Variants in DENND5B observed in about 807,000 individuals in gnomAD.
DENND5B encodes DENN domain-containing protein 5B.
A neutral mutation model predicts 140.6 loss-of-function variants in DENND5B; 34 were observed. The ratio of observed to expected loss-of-function variants is 0.24; its 90% confidence interval spans 0.18 to 0.32. DENND5B has a LOEUF of 0.32. DENND5B is among the 10% of genes least tolerant of loss of function. DENND5B has a pLI of 1.00. For synonymous variants in DENND5B, 551 were observed against 562.1 expected (o/e 0.98, Z 0.28); for missense variants, 1,142 against 1,560.2 (o/e 0.73, Z 4.52).
chr12:31,397,961 T>A (rs948075875), intron 17 of DENND5B, among the ~76,000 whole-genome samples: 1 of 152,164 alleles, frequency 6.6e-6, no homozygotes, highest in Non-Finnish European at 1.5e-5. Context: ...TTACTCATAT[T>A]TCCACAGCTT....
chr12:31,501,406 G>C (rs1363233798), intron 1 of DENND5B, among the ~76,000 whole-genome samples: 2 of 152,220 alleles, frequency 1.3e-5, no homozygotes, highest in East Asian at 3.9e-4. Flanking sequence ...TTTATAAATT[G>C]CCCGGTCTCA....
intron 14 of DENND5B, among the ~76,000 whole-genome samples, chr12:31,403,385 T>C (rs1032400554): frequency 1.3e-4 from 17 of 132,082 alleles, no homozygotes; most frequent in African/African-American, 4.1e-4. Flanking sequence ...CCCTTCTTTT[T>C]TTTTCTTTTT....
At chr12:31,499,842 T>C (rs1004972716) in intron 1 of DENND5B, among the ~76,000 whole-genome samples, 1 of 152,252 alleles carries the variant, frequency 6.6e-6, no homozygotes, top group Admixed American at 6.5e-5. Context: ...GATAAGGGAT[T>C]AGTAATGAAA....
intron 2 of DENND5B, among the ~76,000 whole-genome samples, chr12:31,483,100 G>A (rs1281064094): frequency 6.6e-6 from 1 of 152,028 alleles, no homozygotes; most frequent in African/African-American, 2.4e-5. Flanking sequence ...TCTTCCCCTT[G>A]GTATCCACAT....
At chr12:31,563,999 C>A (rs1233686415) in intron 1 of DENND5B, among the ~76,000 whole-genome samples, 3 of 152,072 alleles carry the variant, frequency 2.0e-5, no homozygotes, top group African/African-American at 7.2e-5. Context: ...TGCCTGTAAT[C>A]CCAGCTACTA....
rs538290123 is a variant in DENND5B at position 31,542,875 on chromosome 12, G to A, written c.128-46956C>T. Among the ~76,000 whole-genome samples, 5 of 152,286 alleles carry A rather than the reference G, an allele frequency of 3.3e-5. No homozygotes were observed. The South Asian group carries it at 6.2e-4, about 19-fold the overall frequency. The stretch of plus-strand genomic sequence containing the variant: ...AGGAAGCTGAGGTGGAGGGTGGCTT[G>A]AGCCTGGGAGGTGGAAGTTGCAGGG... On this transcript the variant is annotated intron_variant, in intron 1 of 20. Transcript: ENST00000389082.
At position 31,585,808 on chromosome 12, in the gene DENND5B, A is replaced by T. The variant is rs190371023; in HGVS notation, c.127+4898T>A. 1.8e-4 allele frequency among the ~76,000 whole-genome samples: 27 copies of T among 152,356 alleles called. No homozygotes were observed. In the East Asian group the frequency reaches 5.2e-3, roughly 29 times the overall value. On this transcript the variant is annotated intron_variant, in intron 1 of 20. Coordinates refer to ENST00000389082, the MANE Select transcript of DENND5B (RefSeq NM_144973.4). The stretch of plus-strand genomic sequence containing the variant: ...ACCCAACACAACCAAAGCTAAAAAT[A>T]GCTAGAGAGAGACACTAAGGAAAAG...
At chr12:31,415,801 T>C (rs75381265) in intron 11 of DENND5B, among the ~76,000 whole-genome samples, 1,722 of 152,198 alleles carry the variant, frequency 0.011, 19 homozygotes, top group East Asian at 0.031. Flanking sequence ...TTGCCCAGGC[T>C]GGGCTATATT....
At chr12:31,586,363 C>A (rs1181162718) in intron 1 of DENND5B, among the ~76,000 whole-genome samples, 1 of 152,112 alleles carries the variant, frequency 6.6e-6, no homozygotes, top group East Asian at 1.9e-4. Context: ...GGGCAAAGTA[C>A]CTCTTGAAAA....
chr12:31,521,211 T>C (rs1370027249), intron 1 of DENND5B, among the ~76,000 whole-genome samples: 2 of 152,048 alleles, frequency 1.3e-5, no homozygotes, highest in East Asian at 1.9e-4. Flanking sequence ...GAAAAGGTTA[T>C]ATCAATGTTA....
chr12:31,459,244 G>A (rs1944911287), intron 4 of DENND5B, among the ~76,000 whole-genome samples: 1 of 151,942 alleles, frequency 6.6e-6, no homozygotes, highest in Non-Finnish European at 1.5e-5. Flanking sequence ...CACCTAGGAG[G>A]TGTTACTATT....
intron 12 of DENND5B, among the ~76,000 whole-genome samples, chr12:31,414,091 T>G (rs559204633): frequency 2.6e-5 from 4 of 152,314 alleles, no homozygotes; most frequent in African/African-American, 9.6e-5. Flanking sequence ...CTTTAATTGT[T>G]TAATTATTTT....
intron 9 of DENND5B, 140 bp downstream of exon 9, chr12:31,426,153 G>C (rs945815456): frequency 1.1e-6 from 1 of 910,952 alleles, no homozygotes; most frequent in African/African-American, 1.7e-5. Flanking sequence ...CGAGTAAAGA[G>C]CACATGAGGT....
intron 2 of DENND5B, among the ~76,000 whole-genome samples, chr12:31,480,561 C>T (rs889900159): frequency 1.3e-5 from 2 of 152,134 alleles, no homozygotes; most frequent in Admixed American, 1.3e-4. Context: ...AAGCTTGTGG[C>T]CTTTAGCAAG....
At chr12:31,397,664 G>A (rs11838098) in intron 17 of DENND5B, among the ~76,000 whole-genome samples, 27,193 of 150,184 alleles carry the variant, frequency 0.18, 3,042 homozygotes, top group African/African-American at 0.31. Flanking sequence ...GGTGGCACAC[G>A]CCTGTAATGC....
chr12:31,541,467 T>C (rs976736337), intron 1 of DENND5B, among the ~76,000 whole-genome samples: 23 of 152,124 alleles, frequency 1.5e-4, no homozygotes, highest in African/African-American at 5.3e-4. Context: ...AACATCACTA[T>C]CAGAGGAATG....
At chr12:31,559,893 C>T (rs532941452) in intron 1 of DENND5B, among the ~76,000 whole-genome samples, 1 of 152,224 alleles carries the variant, frequency 6.6e-6, no homozygotes, top group East Asian at 1.9e-4. Context: ...ACTCTTAGTG[C>T]TGCTGCTGCC....
At chr12:31,455,021 C>G (rs370406353) in intron 4 of DENND5B, among the ~76,000 whole-genome samples, 2 of 151,752 alleles carry the variant, frequency 1.3e-5, no homozygotes, top group Non-Finnish European at 2.9e-5. Flanking sequence ...AGGGTTTCAC[C>G]GTGTTAGCCA....
chr12:31,531,637 G>A (rs1250013244), intron 1 of DENND5B, among the ~76,000 whole-genome samples: 1 of 152,178 alleles, frequency 6.6e-6, no homozygotes, highest in East Asian at 1.9e-4. Context: ...CATAAGAAAA[G>A]TCTTTTAAGT....
Sources: allele counts gnomAD v4.1 joint callset (sites outside exome capture counted in the v4.1 genomes callset), GRCh38; gene constraint gnomAD v4.1.1; transcripts MANE v1.5; gene names NCBI Gene and HGNC (gene_info 2026-07-23, HGNC 2026-07-21).